SLC4A2: variants seen among roughly 807,000 people sequenced by gnomAD.
SLC4A2 encodes the protein solute carrier family 4 member 2.
In SLC4A2, 36 loss-of-function variants were observed where a neutral mutation model predicts 115.0. That is an observed-to-expected ratio of 0.31 (90% CI 0.24 to 0.41). The LOEUF (loss-of-function observed/expected upper bound fraction) is 0.41, where lower values mean the gene tolerates loss of function less well. Ranked by LOEUF, SLC4A2 falls within the 10% of genes least tolerant of loss-of-function variation. SLC4A2 has a pLI of 1.00. For synonymous variants in SLC4A2, 708 were observed against 708.3 expected (o/e 1.00, Z 0.01); for missense variants, 1,252 against 1,705.6 (o/e 0.73, Z 4.68).
chr7:151,063,976 A>G (rs1021916290), intron 2 of SLC4A2, among the ~76,000 whole-genome samples: 1 of 151,254 alleles, frequency 6.6e-6, no homozygotes, highest in African/African-American at 2.4e-5. Context: ...CAATCCACCC[A>G]CCTCAGCCTC....
At chr7:151,062,711 C>T (rs1416726578) in intron 2 of SLC4A2, 8 of 1,437,302 alleles carry the variant, frequency 5.6e-6, no homozygotes, top group South Asian at 1.4e-5. Flanking sequence ...AAGCTCCCTG[C>T]GCCTCTCCCC....
intron 2 of SLC4A2, among the ~76,000 whole-genome samples, chr7:151,063,455 C>T (rs967671879): frequency 1.3e-5 from 2 of 152,194 alleles, no homozygotes; most frequent in Non-Finnish European, 2.9e-5. Context: ...TTCACACGCC[C>T]TCCCTCCAGG....
intron 8 of SLC4A2, 33 bp from the exon 9 acceptor site, chr7:151,069,914 G>A (rs774504041): frequency 1.2e-6 from 2 of 1,613,228 alleles, no homozygotes; most frequent in South Asian, 1.1e-5. Context: ...TGTGACCTGG[G>A]GCTGAGGGGC....
intron 16 of SLC4A2, 66 bp from the exon 17 acceptor site, chr7:151,073,969 ACACT>A (rs1391695096): frequency 3.4e-6 from 5 of 1,482,132 alleles, no homozygotes; most frequent in Non-Finnish European, 3.6e-6. Context: ...CTTCCACCCG[ACACT>A]CACTGAGCCC....
intron 5 of SLC4A2, 126 bp downstream of exon 5, chr7:151,065,092 C>T (rs1797187287): frequency 1.4e-6 from 1 of 718,188 alleles, no homozygotes; most frequent in Non-Finnish European, 2.4e-6. Context: ...GGCCCGCACT[C>T]ACTGGCTGGG....
At chr7:151,069,671 A>C (rs1418709516) in intron 8 of SLC4A2, among the ~76,000 whole-genome samples, 2 of 151,542 alleles carry the variant, frequency 1.3e-5, no homozygotes. Context: ...GGTGTCTGAC[A>C]GGCGTGGCCT....
chr7:151,064,765 C>G lies in SLC4A2; in HGVS notation c.457C>G (p.Gln153Glu). Residue 153 changes from glutamine (Q) to glutamate (E), a missense_variant and splice_region_variant, in exon 4 of 23, where the codon CAG becomes GAG. This residue lies in a region of SLC4A2 where 215 missense variants were observed against 205.2 expected (regional missense o/e 1.05). Coordinates refer to ENST00000413384, the MANE Select transcript of SLC4A2 (RefSeq NM_003040.4). ...CCCTGTCTCCACACCCTCCTCGGTG[C>G]AGGTGCGCTGGGTGCGGGCTCCTAG... Reference protein sequence around the residue: ...PSPVSTPSSVQFFLQEDDSAD... With the variant: ...PSPVSTPSSVEFFLQEDDSAD... The G allele has an allele frequency of 6.2e-7, 1 of 1,607,806 alleles. No individual in the cohort carries two copies. Among genetic ancestry groups the G allele is most frequent in the Non-Finnish European group, 8.5e-7 (1 of 1,175,644 alleles).
chr7:151,071,037 T>G lies in SLC4A2; in HGVS notation c.1750-35T>G, dbSNP rs369688270. 1 of 1,608,796 alleles carries G rather than the reference T, an allele frequency of 6.2e-7. No individual in the cohort carries two copies. The highest frequency in any genetic ancestry group is 8.5e-7 in the Non-Finnish European group (1 of 1,177,244). On this transcript the variant is annotated intron_variant, in intron 12 of 22. Transcript: ENST00000413384. This position sits in a 1 kb window ranked among gnomAD's most constrained non-coding sequence, Gnocchi z 5.5. ...AGCTCCAGGCCCTCAGCCCTCTTCT[T>G]TGTGCTCTCCCCCATCCCCATGCTG...
chr7:151,076,424 G>T lies in SLC4A2; in HGVS notation c.*57G>T. 7.5e-7 allele frequency: 1 copy of T among 1,342,192 alleles called. No individual in the cohort carries two copies. 83.1% of individuals were successfully genotyped at this position (1,342,192 alleles called of 1,614,324 possible). The stretch of plus-strand genomic sequence containing the variant: ...GACGAGGGGACAGGCTGGTGGGATG[G>T]GGTTCCCCCTCCCATGCCCCTCCCT... On this transcript the variant is annotated 3_prime_UTR_variant, in exon 23 of 23. Transcript: ENST00000413384.
chr7:151,070,113 A>G, intron 9 of SLC4A2, 31 bp downstream of exon 9: 1 of 1,613,854 alleles, frequency 6.2e-7, no homozygotes, highest in Non-Finnish European at 8.5e-7. Flanking sequence ...TGGGGATGAC[A>G]CTTCAGCCCA....
intron 2 of SLC4A2, chr7:151,063,249 CGGGGGCCTGGGGGCT>C (rs1797117065): frequency 6.3e-6 from 1 of 158,908 alleles, no homozygotes; most frequent in Non-Finnish European, 9.8e-6. Flanking sequence ...GGGCTCGGGC[CGGGGGCCTGGGGGCT>C]GGGGGAGCTC....
rs1797094209 is a variant in SLC4A2 at position 151,062,729 on chromosome 7, C to T, written c.51+691C>T. 1.3e-5 allele frequency: 18 copies of T among 1,410,028 alleles called. No homozygotes were observed. In the South Asian group the frequency reaches 2.6e-4, roughly 20 times the overall value. 87.3% of individuals were successfully genotyped at this position (1,410,028 alleles called of 1,614,324 possible). A position where few individuals can be genotyped will look rare whatever the true frequency, so the allele number is the denominator to read the frequency against. ...CTCCCTGCGCCTCTCCCCGTCCCCT[C>T]GTCCCACGGGGCTGCTTCTGGTGGG... On this transcript the variant is annotated intron_variant, in intron 2 of 22. Coordinates refer to ENST00000413384, the MANE Select transcript of SLC4A2 (RefSeq NM_003040.4).
chr7:151,063,849 C>A (rs1021183070), intron 2 of SLC4A2, among the ~76,000 whole-genome samples: 1 of 152,206 alleles, frequency 6.6e-6, no homozygotes, highest in African/African-American at 2.4e-5. Context: ...CTGCCTCAGC[C>A]TCCTGAGTAG....
At chr7:151,067,762 G>A (rs1797284425) in intron 7 of SLC4A2, 112 bp from the exon 8 acceptor site, 2 of 831,262 alleles carry the variant, frequency 2.4e-6, no homozygotes, top group East Asian at 2.7e-5. Flanking sequence ...CACCCACTGT[G>A]CTCGTGCTCT....
intron 8 of SLC4A2, among the ~76,000 whole-genome samples, chr7:151,069,675 G>A (rs576658692): frequency 7.2e-5 from 11 of 152,256 alleles, no homozygotes; most frequent in East Asian, 1.9e-4. Context: ...TCTGACAGGC[G>A]TGGCCTAGAT....
chr7:151,074,960 C>G, intron 19 of SLC4A2, 119 bp downstream of exon 19: 1 of 1,039,308 alleles, frequency 9.6e-7, no homozygotes, highest in Non-Finnish European at 1.4e-6. Context: ...ACCTTGGATG[C>G]CCAGATGGCC....
At position 151,072,975 on chromosome 7, in the gene SLC4A2, TTTTA is replaced by T. The variant is rs201179664; in HGVS notation, c.2535+843_2535+846del. On this transcript the variant is annotated intron_variant, in intron 16 of 22. Transcript: ENST00000413384. ...ACTGCACCCAGCCAAAAACTCATAC[TTTTA>T]TTTTTTAAAAACTTCTATATTTAAT... 5.8e-3 allele frequency among the ~76,000 whole-genome samples: 887 copies of T among 152,258 alleles called. 15 individuals carry two copies. The highest frequency in any genetic ancestry group is 0.02 in the African/African-American group (849 of 41,546).
chr7:151,070,424 C>G (rs370632475), intron 10 of SLC4A2, 33 bp from the exon 11 acceptor site: 70 of 1,611,144 alleles, frequency 4.3e-5, no homozygotes, highest in Non-Finnish European at 5.6e-5. Flanking sequence ...TGGGAGGGGC[C>G]TGGCTGGGCT....
chr7:151,067,780 C>T (rs1797285462), intron 7 of SLC4A2, 94 bp from the exon 8 acceptor site: 1 of 1,060,558 alleles, frequency 9.4e-7, no homozygotes, highest in South Asian at 1.4e-5. Context: ...TCTCCAGGGT[C>T]ACTTGGCTCC....
Sources: gnomAD v4.1 joint callset for allele counts (sites outside exome capture counted in the v4.1 genomes callset) on GRCh38, gnomAD v4.1.1 for gene constraint, gnomAD v4.1.1 regional missense constraint, Gnocchi (gnomAD v3.1) non-coding constraint, MANE v1.5 for transcripts, NCBI Gene and HGNC (gene_info 2026-07-23, HGNC 2026-07-21) for gene names.